The following GRIN2C variants were observed in gnomAD, a reference collection of about 807,000 sequenced individuals.
GRIN2C encodes the protein glutamate receptor ionotropic, NMDA 2C.
Under a neutral mutation model 77.7 loss-of-function variants are expected in GRIN2C, and 64 were observed. The observed-to-expected ratio is 0.82, with a 90% CI of 0.67 to 1.01. The LOEUF (loss-of-function observed/expected upper bound fraction) is 1.01. Ranked by LOEUF, GRIN2C falls within the 50% of genes least tolerant of loss-of-function variation. GRIN2C has a pLI of 0.00. For synonymous variants in GRIN2C, 792 were observed against 643.4 expected, an observed-to-expected ratio of 1.23 and a Z score of -3.49; for missense variants, 1,549 against 1,486.0, an observed-to-expected ratio of 1.04 and a Z score of -0.70.
chr17:74,847,906 TGAA>T lies in GRIN2C; in HGVS notation c.1714_1716del (p.Phe572del). ...CTGACAGGGCTGAAGTACTCGAACA[TGAA>T]GACGGTGATGGCCACCACAGTGAGG... On this transcript the variant is annotated inframe_deletion, in exon 8 of 13. Transcript: ENST00000293190. The surrounding 1 kb of genome is among the most constrained non-coding windows in gnomAD (Gnocchi z 5.2). The T allele has an allele frequency of 1.2e-6, 2 of 1,613,982 alleles. No homozygotes were observed. The highest frequency in any genetic ancestry group is 1.7e-6 in the Non-Finnish European group (2 of 1,179,936).
At chr17:74,844,574 T>G in intron 11 of GRIN2C, 66 bp from the exon 12 acceptor site, 1 of 1,569,488 alleles carries the variant, frequency 6.4e-7, no homozygotes, top group Non-Finnish European at 8.7e-7. Flanking sequence ...CTCACAAAGC[T>G]CACCACAAAC....
chr17:74,846,578 T>A lies in GRIN2C; in HGVS notation c.2162+182A>T, dbSNP rs2037463084. Among the ~76,000 whole-genome samples the A allele has an allele frequency of 5.3e-5, 8 of 152,168 alleles. No homozygotes were observed. The South Asian group carries it at 1.7e-3, about 32-fold the overall frequency. On this transcript the variant is annotated intron_variant, in intron 10 of 12. Coordinates refer to ENST00000293190, the MANE Select transcript of GRIN2C (RefSeq NM_000835.6). The surrounding 1 kb of genome is among the most constrained non-coding windows in gnomAD (Gnocchi z 4.4). ...ACTTTGATTGGCACCACAGCTGTGT[T>A]CTGAGACACATGGTGGCCTTCCATT...
At chr17:74,843,868 C>G (rs2037379088) in intron 12 of GRIN2C, among the ~76,000 whole-genome samples, 1 of 146,662 alleles carries the variant, frequency 6.8e-6, no homozygotes, top group Non-Finnish European at 1.5e-5. Context: ...CTTCTCAGGA[C>G]GTTGGCTTTT....
At position 74,854,980 on chromosome 17, in the gene GRIN2C, C is replaced by T. The variant is rs566277219; in HGVS notation, c.113G>A (p.Ser38Asn). The change falls in exon 2 of 13, where the codon AGC (serine) becomes AAC (asparagine). Residue 38 changes from serine (S) to asparagine (N), a missense_variant. This residue lies in a region of GRIN2C where 382 missense variants were observed against 360.0 expected (regional missense o/e 1.06). Transcript: ENST00000293190. ...GAACTGGGCCTGGGGCGGCCCTGAGCTGCTAAACACCACGGCCACCGTCAT... is the reference window on the plus strand; with the variant it reads ...GAACTGGGCCTGGGGCGGCCCTGAGTTGCTAAACACCACGGCCACCGTCAT... ...QGMTVAVVFSSSGPPQAQFRA... is the reference protein window; with the variant it reads ...QGMTVAVVFSNSGPPQAQFRA... The T allele has an allele frequency of 4.3e-6, 7 of 1,610,028 alleles. No individual in the cohort carries two copies. The South Asian group carries it at 5.5e-5, about 13-fold the overall frequency.
upstream of GRIN2C, among the ~76,000 whole-genome samples, chr17:74,861,231 C>G (rs757896946): frequency 7.9e-5 from 12 of 152,094 alleles, no homozygotes; most frequent in African/African-American, 2.9e-4. Flanking sequence ...TCCGGCCGCC[C>G]GGGTCAAAAC....
intron 1 of GRIN2C, among the ~76,000 whole-genome samples, chr17:74,855,928 G>A (rs1040823295): frequency 2.0e-5 from 3 of 152,248 alleles, no homozygotes; most frequent in Admixed American, 6.5e-5. Flanking sequence ...GGGTGCAACA[G>A]CACTGACTTG....
At chr17:74,857,983 C>T (rs771739349) in intron 1 of GRIN2C, among the ~76,000 whole-genome samples, 15 of 152,124 alleles carry the variant, frequency 9.9e-5, no homozygotes, top group Non-Finnish European at 2.1e-4. Context: ...AATGTGGTTA[C>T]TAGAAAATTT....
chr17:74,847,930 T>A lies in GRIN2C; in HGVS notation c.1693A>T (p.Thr565Ser), dbSNP rs1427922919. The stretch of plus-strand genomic sequence containing the variant: ...ATGAAGACGGTGATGGCCACCACAG[T>A]GAGGCACATGACAAACATCATCACC... ...VWVMMFVMCLTVVAITVFMFE... is the reference protein window; with the variant it reads ...VWVMMFVMCLSVVAITVFMFE... The change falls in exon 8 of 13, where the codon ACT (threonine) becomes TCT (serine). Residue 565 changes from threonine to serine, a missense_variant. By Grantham distance (58) the Thr-to-Ser change is moderately conservative. Around this residue, in one of 3 missense-constraint regions of GRIN2C, gnomAD observed 717 missense variants for 858.1 expected, o/e 0.84. Transcript: ENST00000293190. This position sits in a 1 kb window ranked among gnomAD's most constrained non-coding sequence, Gnocchi z 5.2. 6.2e-7 allele frequency: 1 copy of A among 1,613,834 alleles called. No homozygotes were observed. Among genetic ancestry groups the A allele is most frequent in the Admixed American group, 1.7e-5 (1 of 60,002 alleles).
chr17:74,854,750 T>C lies in GRIN2C; in HGVS notation c.343A>G (p.Thr115Ala). 1 of 1,613,154 alleles carries C rather than the reference T, an allele frequency of 6.2e-7. No individual in the cohort carries two copies. Among genetic ancestry groups the C allele is most frequent in the Non-Finnish European group, 8.5e-7 (1 of 1,179,410 alleles). The change falls in exon 2 of 13, where the codon ACC becomes GCC. Residue 115 changes from threonine (T) to alanine (A), a missense_variant. Physicochemically the swap from Thr to Ala is moderately conservative, Grantham distance 58 (BLOSUM62 0). This residue lies in a region of GRIN2C where 382 missense variants were observed against 360.0 expected (regional missense o/e 1.06). Transcript: ENST00000293190. ...AQILDFISSQTHVPILSISGG... is the reference protein window; with the variant it reads ...AQILDFISSQAHVPILSISGG... ...CTGATGCTGAGGATGGGCACATGGG[T>C]CTGGGAGGAGATGAAGTCAAGGATC...
chr17:74,847,367 C>A lies in GRIN2C; in HGVS notation c.1942G>T (p.Ala648Ser). Residue 648 changes from alanine to serine, a missense_variant, in exon 9 of 13, where the codon GCC becomes TCC. Ala to Ser is a moderately conservative substitution (Grantham distance 99). Coordinates refer to ENST00000293190, the MANE Select transcript of GRIN2C (RefSeq NM_000835.6). This position sits in a 1 kb window ranked among gnomAD's most constrained non-coding sequence, Gnocchi z 5.2. ...IFLASYTANL[A>S]AFMIQEQYID... is the part of the protein sequence containing the mutation. ...TATTGCTCTTGGATCATGAAGGCGG[C>A]CAGGTTGGCCGTGTAGCTGGCGAGG... 6.2e-7 allele frequency: 1 copy of A among 1,603,878 alleles called. No individual in the cohort carries two copies. The highest frequency in any genetic ancestry group is 8.5e-7 in the Non-Finnish European group (1 of 1,174,022).
intron 11 of GRIN2C, 36 bp from the exon 12 acceptor site, chr17:74,844,544 AC>A (rs1567888664): frequency 1.3e-6 from 2 of 1,596,610 alleles, no homozygotes; most frequent in Non-Finnish European, 1.7e-6. Context: ...GGCTCAGGAA[AC>A]CCCCCTATAA....
chr17:74,850,683 T>C lies in GRIN2C; in HGVS notation c.1198A>G (p.Ser400Gly), dbSNP rs745650066. The change falls in exon 5 of 13, where the codon AGT becomes GGT. Residue 400 changes from serine (S) to glycine (G), a missense_variant. Ser to Gly is a moderately conservative substitution (Grantham distance 56). Coordinates refer to ENST00000293190, the MANE Select transcript of GRIN2C (RefSeq NM_000835.6). The surrounding 1 kb of genome is among the most constrained non-coding windows in gnomAD (Gnocchi z 5.3). Reference sequence around the variant, plus strand: ...AGCGTGGCCACCGTCAGGTGCCGACTGTCCACCACAGGCTGCAGAGAGGCA... The same window carrying C: ...AGCGTGGCCACCGTCAGGTGCCGACCGTCCACCACAGGCTGCAGAGAGGCA... ...YSASLQPVVD[S>G]RHLTVATLEE... 48 of 1,613,586 alleles carry C rather than the reference T, an allele frequency of 3.0e-5. No homozygotes were observed. The highest frequency in any genetic ancestry group is 8.5e-7 in the Non-Finnish European group (1 of 1,180,016).
chr17:74,850,804 C>T lies in GRIN2C; in HGVS notation c.1114-37G>A. 6.6e-7 allele frequency: 1 copy of T among 1,519,542 alleles called. No individual in the cohort carries two copies. The highest frequency in any genetic ancestry group is 9.0e-7 in the Non-Finnish European group (1 of 1,107,480). The allele number at this position is 1,519,542 out of a possible 1,614,324, so 94.1% of individuals were successfully genotyped here. A position where few individuals can be genotyped will look rare whatever the true frequency, so the allele number is the denominator to read the frequency against. On this transcript the variant is annotated intron_variant, in intron 4 of 12. Transcript: ENST00000293190. The surrounding 1 kb of genome is among the most constrained non-coding windows in gnomAD (Gnocchi z 5.3). ...GACAGCCTCAGCCTGGGGCCTCCAG[C>T]CCTACAGCCCCCACCCTCTAGGTGG...
rs889648852 is a variant in GRIN2C, at chr17:74,849,451, A to G, written c.1645+329T>C. Among the ~76,000 whole-genome samples the G allele has an allele frequency of 1.3e-5, 2 of 151,668 alleles. No homozygotes were observed. Among genetic ancestry groups the G allele is most frequent in the Non-Finnish European group, 2.9e-5 (2 of 67,886 alleles). On this transcript the variant is annotated intron_variant, in intron 7 of 12. Transcript: ENST00000293190. The surrounding 1 kb of genome is among the most constrained non-coding windows in gnomAD (Gnocchi z 4.6). ...CACTACACTCGCTCCTCAACTCCCC[A>G]CGGGCCTCCCCCACTCGTTCCACAG... is the stretch of plus-strand genomic sequence containing the variant.
At position 74,847,141 on chromosome 17, in the gene GRIN2C, C is replaced by G; in HGVS notation, c.2001+167G>C. On this transcript the variant is annotated intron_variant, in intron 9 of 12. Coordinates refer to ENST00000293190, the MANE Select transcript of GRIN2C (RefSeq NM_000835.6). This position sits in a 1 kb window ranked among gnomAD's most constrained non-coding sequence, Gnocchi z 5.2. ...GGCCTCTCAGCCGGTGGCCCTGAGC[C>G]ATCTCTTGCCCCAGCCCCCAACCCC... 1 of 718,596 alleles carries G rather than the reference C, an allele frequency of 1.4e-6. No individual in the cohort carries two copies. The highest frequency in any genetic ancestry group is 2.3e-6 in the Non-Finnish European group (1 of 439,030). The allele number at this position is 718,596 out of a possible 1,614,324, so 44.5% of individuals were successfully genotyped here.
In GRIN2C at chr17:74,847,868, G is replaced by A. The variant is rs2037512635; in HGVS notation, c.1755C>T (p.Asn585=). The part of the protein sequence containing the change: ...EYFSPVSYNQ[N]LTRGKKSGGP... ...AAGGCTTACTCTTGCCTCTGGTGAG[G>A]TTCTGGTTGTAGCTGACAGGGCTGA... The change falls in exon 8 of 13, where the codon AAC becomes AAT. Residue 585 remains asparagine (N), a synonymous_variant. Transcript: ENST00000293190. The surrounding 1 kb of genome is among the most constrained non-coding windows in gnomAD (Gnocchi z 5.2). 1.9e-6 allele frequency: 3 copies of A among 1,613,946 alleles called. No homozygotes were observed. Among genetic ancestry groups the A allele is most frequent in the African/African-American group, 1.3e-5 (1 of 74,922 alleles).
Position 74,847,857 on chromosome 17 carries a change from C to G in GRIN2C, c.1766G>C (p.Gly589Ala), listed in dbSNP as rs1414486908. Residue 589 changes from glycine (G) to alanine (A), a missense_variant, in exon 8 of 13, where the codon GGC (glycine) becomes GCC (alanine). Gly to Ala is a moderately conservative substitution (Grantham distance 60). This residue lies in a region of GRIN2C where 717 missense variants were observed against 858.1 expected (regional missense o/e 0.84). Coordinates refer to ENST00000293190, the MANE Select transcript of GRIN2C (RefSeq NM_000835.6). The surrounding 1 kb of genome is among the most constrained non-coding windows in gnomAD (Gnocchi z 5.2). ...PVSYNQNLTR[G>A]KKSGGPAFTI... ...CGGGCCCAGGCAAGGCTTACTCTTGCCTCTGGTGAGGTTCTGGTTGTAGCT... is the reference window on the plus strand; with the variant it reads ...CGGGCCCAGGCAAGGCTTACTCTTGGCTCTGGTGAGGTTCTGGTTGTAGCT... The G allele has an allele frequency of 1.2e-6, 2 of 1,614,044 alleles. No homozygotes were observed. Among genetic ancestry groups the G allele is most frequent in the South Asian group, 2.2e-5 (2 of 91,076 alleles).
intron 2 of GRIN2C, chr17:74,853,091 A>T (rs1010898911): frequency 1.3e-5 from 2 of 152,652 alleles, no homozygotes; most frequent in African/African-American, 4.8e-5. Flanking sequence ...CTGAGATCTT[A>T]TGCCGGGGCC....
At position 74,849,101 on chromosome 17, in the gene GRIN2C, C is replaced by T. The variant is rs1008905871; in HGVS notation, c.1645+679G>A. Among the ~76,000 whole-genome samples, 43 of 151,708 alleles carry T rather than the reference C, an allele frequency of 2.8e-4. No homozygotes were observed. Among genetic ancestry groups the T allele is most frequent in the Admixed American group, 7.2e-4 (11 of 15,264 alleles). On this transcript the variant is annotated intron_variant, in intron 7 of 12. Coordinates refer to ENST00000293190, the MANE Select transcript of GRIN2C (RefSeq NM_000835.6). The surrounding 1 kb of genome is among the most constrained non-coding windows in gnomAD (Gnocchi z 4.6). ...AGGGAAATCAATCCTGCCATGAGCA[C>T]TTGCTATGCTATGAAGTGGTTTTTT...
Sources: allele counts gnomAD v4.1 joint callset (sites outside exome capture counted in the v4.1 genomes callset), GRCh38; gene constraint gnomAD v4.1.1; regional missense constraint gnomAD v4.1.1; non-coding constraint Gnocchi (gnomAD v3.1); transcripts MANE v1.5; gene names NCBI Gene and HGNC (gene_info 2026-07-23, HGNC 2026-07-21).